The following DLG2 variants were observed in gnomAD, a reference collection of about 807,000 sequenced individuals.
DLG2 encodes the protein disks large homolog 2.
A neutral mutation model predicts 132.5 loss-of-function variants in DLG2; 45 were observed. That is an observed-to-expected ratio of 0.34 (90% CI 0.27 to 0.44). The LOEUF (loss-of-function observed/expected upper bound fraction) is 0.44, where lower values mean the gene tolerates loss of function less well. Among genes scored for constraint, DLG2 ranks in the 20% least tolerant of loss-of-function variants. The pLI, the probability that DLG2 is intolerant of heterozygous loss-of-function variation, is 1.00. For missense variants in DLG2, 1,045 were observed against 1,196.9 expected (o/e 0.87, Z 1.87); for synonymous variants, 424 against 419.6 (o/e 1.01, Z -0.13).
At chr11:85,392,394 A>G (rs2086877702) in intron 3 of DLG2, among the ~76,000 whole-genome samples, 1 of 151,998 alleles carries the variant, frequency 6.6e-6, no homozygotes, top group Non-Finnish European at 1.5e-5. Flanking sequence ...TGCAATTCCT[A>G]TCAAAATACC....
chr11:84,770,527 A>T (rs2069145802), intron 6 of DLG2, among the ~76,000 whole-genome samples: 1 of 152,024 alleles, frequency 6.6e-6, no homozygotes, highest in Non-Finnish European at 1.5e-5. Flanking sequence ...TCTCCTCATT[A>T]AGCTCCCACT....
intron 6 of DLG2, among the ~76,000 whole-genome samples, chr11:84,922,201 T>C (rs1411077948): frequency 6.6e-6 from 1 of 152,180 alleles, no homozygotes; most frequent in Non-Finnish European, 1.5e-5. Flanking sequence ...AGATTCCTAT[T>C]TTAGGTTGTC....
intron 4 of DLG2, among the ~76,000 whole-genome samples, chr11:85,166,605 G>C (rs1204637629): frequency 6.6e-6 from 1 of 151,628 alleles, no homozygotes; most frequent in African/African-American, 2.4e-5. Context: ...CTTTAATAAT[G>C]ATTAGTCCAC....
chr11:85,537,960 C>G (rs939922556), intron 3 of DLG2, among the ~76,000 whole-genome samples: 2 of 151,608 alleles, frequency 1.3e-5, no homozygotes, highest in Non-Finnish European at 2.9e-5. Context: ...ACTAAAAATA[C>G]AAAATATTAG....
At chr11:85,568,076 G>A (rs991184388) in intron 3 of DLG2, among the ~76,000 whole-genome samples, 3 of 149,136 alleles carry the variant, frequency 2.0e-5, no homozygotes, top group South Asian at 2.1e-4. Context: ...GTGCAATGGC[G>A]CGATCTTGGC....
intron 7 of DLG2, among the ~76,000 whole-genome samples, chr11:84,491,615 G>A (rs1024922487): frequency 6.6e-6 from 1 of 152,096 alleles, no homozygotes; most frequent in African/African-American, 2.4e-5. Context: ...GAACACAGCT[G>A]CCATTAAGAA....
At chr11:84,837,995 A>C (rs1479650830) in intron 6 of DLG2, among the ~76,000 whole-genome samples, 1 of 151,874 alleles carries the variant, frequency 6.6e-6, no homozygotes, top group African/African-American at 2.4e-5. Flanking sequence ...ATCATGATGC[A>C]TGTCAAAGCT....
At chr11:84,078,919 T>C (rs965844654) in intron 10 of DLG2, among the ~76,000 whole-genome samples, 2 of 152,110 alleles carry the variant, frequency 1.3e-5, no homozygotes, top group African/African-American at 2.4e-5. Context: ...TAAATTAACA[T>C]TGTCCAAAAT....
chr11:84,466,649 C>T (rs1326764446), intron 7 of DLG2, among the ~76,000 whole-genome samples: 1 of 151,314 alleles, frequency 6.6e-6, no homozygotes, highest in African/African-American at 2.4e-5. Flanking sequence ...CAAGAAGCAG[C>T]AGGAATTCTC....
chr11:84,777,718 G>A (rs866069943), intron 6 of DLG2, among the ~76,000 whole-genome samples: 9 of 151,908 alleles, frequency 5.9e-5, no homozygotes, highest in Non-Finnish European at 1.3e-4. Context: ...GATAAGTGAC[G>A]TTGAGCATTA....
intron 7 of DLG2, among the ~76,000 whole-genome samples, chr11:84,357,894 G>A (rs1286803652): frequency 1.3e-5 from 2 of 151,454 alleles, no homozygotes; most frequent in Admixed American, 6.6e-5. Context: ...ATGTACAGGA[G>A]GGTTATTGTA....
chr11:85,119,404 C>T (rs899773016), intron 5 of DLG2, among the ~76,000 whole-genome samples: 1 of 151,802 alleles, frequency 6.6e-6, no homozygotes, highest in Non-Finnish European at 1.5e-5. Context: ...TAGTTGAATG[C>T]AATAGAGTAA....
intron 3 of DLG2, among the ~76,000 whole-genome samples, chr11:85,384,818 C>T (rs979832297): frequency 2.8e-4 from 43 of 152,148 alleles, no homozygotes; most frequent in Admixed American, 8.5e-4. Flanking sequence ...GTGATCCACC[C>T]ACCTCGGCCT....
intron 6 of DLG2, among the ~76,000 whole-genome samples, chr11:84,996,829 G>T (rs2057698689): frequency 6.6e-6 from 1 of 152,184 alleles, no homozygotes; most frequent in African/African-American, 2.4e-5. Flanking sequence ...TAATTAGGAA[G>T]AAAGCTTTAA....
At chr11:83,894,066 A>G (rs2070803177) in intron 15 of DLG2, among the ~76,000 whole-genome samples, 1 of 152,216 alleles carries the variant, frequency 6.6e-6, no homozygotes, top group Admixed American at 6.5e-5. Flanking sequence ...AGCACCACAT[A>G]TGTGCCAGGA....
At chr11:83,776,646 C>G (rs562048642) in intron 18 of DLG2, among the ~76,000 whole-genome samples, 40 of 152,348 alleles carry the variant, frequency 2.6e-4, no homozygotes, top group South Asian at 1.4e-3. Context: ...GTCTCTGCTT[C>G]TCTCTTCTGC....
chr11:84,886,821 T>G (rs548591907), intron 6 of DLG2, among the ~76,000 whole-genome samples: 1 of 152,282 alleles, frequency 6.6e-6, no homozygotes, highest in East Asian at 1.9e-4. Context: ...AAATTTTCAA[T>G]GCAAAAGATT....
At chr11:84,631,000 TCTCTCTCTCTCTCTCTCTCACA>T (rs2099630685) in intron 6 of DLG2, among the ~76,000 whole-genome samples, 3 of 126,808 alleles carry the variant, frequency 2.4e-5, no homozygotes, top group South Asian at 5.6e-4. Context: ...TCTCTCTCTC[TCTCTCTCTCTCTCTCTCTCACA>T]CACACACACA....
At chr11:84,390,863 T>C (rs1228339718) in intron 7 of DLG2, among the ~76,000 whole-genome samples, 2 of 152,198 alleles carry the variant, frequency 1.3e-5, no homozygotes, top group South Asian at 4.1e-4. Flanking sequence ...AGTCAGATGC[T>C]GGTGCGGCAG....
Sources: gnomAD v4.1 joint callset for allele counts (sites outside exome capture counted in the v4.1 genomes callset) on GRCh38, gnomAD v4.1.1 for gene constraint, MANE v1.5 for transcripts, NCBI Gene and HGNC (gene_info 2026-07-23, HGNC 2026-07-21) for gene names.